C16orf74: variants seen among roughly 807,000 people sequenced by gnomAD.
C16orf74 encodes the protein uncharacterized protein C16orf74.
A neutral mutation model predicts 6.5 loss-of-function variants in C16orf74; 10 were observed. That is an observed-to-expected ratio of 1.54 (90% CI 0.95 to 2.61). The LOEUF (loss-of-function observed/expected upper bound fraction) is 2.61. C16orf74 is among the 30% of genes most tolerant of loss of function. The pLI is 0.00. For missense variants in C16orf74, 141 were observed against 105.9 expected, an observed-to-expected ratio of 1.33 and a Z score of -1.45; for synonymous variants, 60 against 42.5, an observed-to-expected ratio of 1.41 and a Z score of -1.60.
intron 1 of C16orf74, among the ~76,000 whole-genome samples, chr16:85,738,920 T>G (rs2054273726): frequency 1.3e-5 from 2 of 152,114 alleles, no homozygotes; most frequent in South Asian, 4.1e-4. Context: ...ATTAGTTAAC[T>G]TGCCTAAGGT....
chr16:85,724,461 G>C (rs139965830), intron 2 of C16orf74, among the ~76,000 whole-genome samples: 22 of 152,352 alleles, frequency 1.4e-4, no homozygotes, highest in African/African-American at 5.0e-4. Flanking sequence ...CTCTGGCTGG[G>C]TGACCTCAGG....
chr16:85,749,874 G>C (rs990156480), intron 1 of C16orf74, among the ~76,000 whole-genome samples: 9 of 152,314 alleles, frequency 5.9e-5, no homozygotes, highest in Non-Finnish European at 1.3e-4. Flanking sequence ...GCCTCCTTGG[G>C]GCTGGTGAGG....
chr16:85,721,783 T>A (rs433559), intron 2 of C16orf74, among the ~76,000 whole-genome samples: 1 of 151,868 alleles, frequency 6.6e-6, no homozygotes, highest in African/African-American at 2.4e-5. Flanking sequence ...CCCCATGTGG[T>A]CCCAGTGCCT....
At chr16:85,725,248 C>T (rs1598792131) in intron 2 of C16orf74, among the ~76,000 whole-genome samples, 2 of 152,188 alleles carry the variant, frequency 1.3e-5, no homozygotes, top group South Asian at 4.2e-4. Flanking sequence ...GCTCCTGCCT[C>T]CTGGGCAGAG....
intron 2 of C16orf74, among the ~76,000 whole-genome samples, chr16:85,721,329 G>A (rs551889891): frequency 6.6e-6 from 1 of 152,236 alleles, no homozygotes; most frequent in Non-Finnish European, 1.5e-5. Context: ...CTCTGCGGTG[G>A]GGCTGTCCTG....
intron 2 of C16orf74, among the ~76,000 whole-genome samples, chr16:85,711,083 G>A (rs2053964693): frequency 6.6e-6 from 1 of 152,224 alleles, no homozygotes; most frequent in African/African-American, 2.4e-5. Flanking sequence ...GGAGGCCAAG[G>A]CGGGCAGATC....
chr16:85,713,542 G>A (rs891009929), intron 2 of C16orf74, among the ~76,000 whole-genome samples: 17 of 152,152 alleles, frequency 1.1e-4, no homozygotes, highest in African/African-American at 3.6e-4. Context: ...CAAAGTGCTG[G>A]GATCAGAGGC....
intron 2 of C16orf74, among the ~76,000 whole-genome samples, chr16:85,733,878 A>C (rs2054216896): frequency 6.6e-6 from 1 of 152,128 alleles, no homozygotes; most frequent in Non-Finnish European, 1.5e-5. Context: ...ATCTCTCCGC[A>C]AGCGGTGTTG....
At chr16:85,733,577 A>T (rs1414381981) in intron 2 of C16orf74, among the ~76,000 whole-genome samples, 1 of 152,236 alleles carries the variant, frequency 6.6e-6, no homozygotes, top group Non-Finnish European at 1.5e-5. Context: ...TTTAAAGAAG[A>T]AAAGTATCCT....
chr16:85,747,403 G>T (rs1311691309), intron 1 of C16orf74, among the ~76,000 whole-genome samples: 2 of 152,076 alleles, frequency 1.3e-5, no homozygotes, highest in Non-Finnish European at 2.9e-5. Context: ...AGTGAGCCAT[G>T]ATCATGCCAC....
intron 3 of C16orf74, among the ~76,000 whole-genome samples, chr16:85,708,973 G>C (rs1184063592): frequency 6.6e-6 from 1 of 152,268 alleles, no homozygotes. Flanking sequence ...ACGGGGTGAA[G>C]TGCAGATCAC....
At chr16:85,745,462 T>C (rs55805874) in intron 1 of C16orf74, among the ~76,000 whole-genome samples, 7,123 of 152,234 alleles carry the variant, frequency 0.047, 553 homozygotes, top group African/African-American at 0.16. Context: ...AGATTTTCAG[T>C]GCAAACAGAA....
At chr16:85,734,011 T>G (rs1420310944) in intron 2 of C16orf74, among the ~76,000 whole-genome samples, 1 of 152,106 alleles carries the variant, frequency 6.6e-6, no homozygotes, top group Non-Finnish European at 1.5e-5. Context: ...TGAAGGGTGG[T>G]CCATTCATCC....
intron 2 of C16orf74, among the ~76,000 whole-genome samples, chr16:85,727,578 G>C (rs1273788850): frequency 2.0e-5 from 3 of 151,830 alleles, no homozygotes; most frequent in African/African-American, 7.3e-5. Context: ...GGCAGGTTGA[G>C]GCAGGAGGAT....
At chr16:85,709,960 T>C (rs541927417) in intron 3 of C16orf74, among the ~76,000 whole-genome samples, 1 of 152,338 alleles carries the variant, frequency 6.6e-6, no homozygotes, top group East Asian at 1.9e-4. Flanking sequence ...ACTAATTACT[T>C]AACACGCCGC....
intron 2 of C16orf74, among the ~76,000 whole-genome samples, chr16:85,713,249 C>T (rs1418096217): frequency 2.6e-5 from 4 of 152,080 alleles, no homozygotes; most frequent in Non-Finnish European, 4.4e-5. Context: ...TGTATTCTCC[C>T]TGCGTCTTGT....
At chr16:85,720,429 G>A (rs2054070726) in intron 2 of C16orf74, among the ~76,000 whole-genome samples, 1 of 152,120 alleles carries the variant, frequency 6.6e-6, no homozygotes, top group African/African-American at 2.4e-5. Context: ...GCTCTGGGAA[G>A]GCTGTGGAGG....
intron 1 of C16orf74, chr16:85,743,598 A>T (rs2054334717): frequency 6.6e-6 from 1 of 152,200 alleles, no homozygotes; most frequent in African/African-American, 2.4e-5. Context: ...AGTTTGTTAC[A>T]AACACACGTA....
chr16:85,735,683 G>C (rs956251248), intron 1 of C16orf74, among the ~76,000 whole-genome samples: 2 of 135,578 alleles, frequency 1.5e-5, no homozygotes, highest in Non-Finnish European at 3.4e-5. Context: ...CCGTTCTAAT[G>C]CTTTTTTTTT....
Sources: allele counts gnomAD v4.1 joint callset (sites outside exome capture counted in the v4.1 genomes callset), GRCh38; gene constraint gnomAD v4.1.1; transcripts MANE v1.5; gene names NCBI Gene and HGNC (gene_info 2026-07-23, HGNC 2026-07-21).